MYOF: variants seen among roughly 807,000 people sequenced by gnomAD.
MYOF encodes fer-1-like 3, myoferlin.
A neutral mutation model predicts 284.2 loss-of-function variants in MYOF; 244 were observed. The observed-to-expected ratio is 0.86, with a 90% CI of 0.77 to 0.95. The LOEUF is 0.95. Ranked by LOEUF, MYOF falls within the 40% of genes least tolerant of loss-of-function variation. The pLI is 0.00. For synonymous variants in MYOF, 904 were observed against 919.7 expected (o/e 0.98, Z 0.31); for missense variants, 2,496 against 2,560.6 (o/e 0.97, Z 0.54).
At chr10:93,333,977 AG>A (rs773577517) in intron 41 of MYOF, 64 bp from the exon 42 acceptor site, 15 of 1,528,876 alleles carry the variant, frequency 9.8e-6, no homozygotes, top group African/African-American at 1.4e-5. Flanking sequence ...GCTCCTGGGA[AG>A]TCCCCTCCTC....
Position 93,325,885 on chromosome 10 carries a change from C to G in MYOF, c.5212G>C (p.Val1738Leu). 6.2e-7 allele frequency: 1 copy of G among 1,614,088 alleles called. No homozygotes were observed. Among genetic ancestry groups the G allele is most frequent in the South Asian group, 1.1e-5 (1 of 91,066 alleles). Residue 1738 changes from valine (V) to leucine (L), a missense_variant, in exon 46 of 54, where the codon GTC (valine) becomes CTC (leucine). Around this residue, in one of 3 missense-constraint regions of MYOF, gnomAD observed 2,436 missense variants for 2,480.7 expected, o/e 0.98. Coordinates refer to ENST00000359263, the MANE Select transcript of MYOF (RefSeq NM_013451.4). ...GTCCTTGTTTCCACGTGCTCAGGGA[C>G]CAGCCCCTGAGTCCTGAGGATGTGA... is the stretch of plus-strand genomic sequence containing the variant. The part of the protein sequence containing the change: ...ALHILRTQGL[V>L]PEHVETRTLH...
chr10:93,448,501 T>C (rs886160572), intron 3 of MYOF, among the ~76,000 whole-genome samples: 5 of 152,232 alleles, frequency 3.3e-5, no homozygotes, highest in Non-Finnish European at 7.3e-5. Flanking sequence ...TCCTTAAGTA[T>C]CGTAACCTTC....
intron 48 of MYOF, among the ~76,000 whole-genome samples, chr10:93,320,499 T>C (rs1438737110): frequency 6.6e-6 from 1 of 152,218 alleles, no homozygotes; most frequent in Non-Finnish European, 1.5e-5. Flanking sequence ...TTCCTTTTTA[T>C]AAATTATTCT....
chr10:93,408,222 A>AGC (rs1847710304), intron 7 of MYOF, among the ~76,000 whole-genome samples: 2 of 152,112 alleles, frequency 1.3e-5, no homozygotes, highest in African/African-American at 4.8e-5. Context: ...AAAGCTAGAT[A>AGC]TCTTTTAGAT....
At chr10:93,338,271 A>G (rs1015372772) in intron 39 of MYOF, 2 of 456,084 alleles carry the variant, frequency 4.4e-6, no homozygotes, top group African/African-American at 4.0e-5. Context: ...AAAACCTCCA[A>G]TATGTGTTTT....
intron 48 of MYOF, among the ~76,000 whole-genome samples, chr10:93,321,505 C>A (rs73315549): frequency 0.045 from 6,772 of 151,098 alleles, 525 homozygotes; most frequent in African/African-American, 0.16. Context: ...GATCCTCCTG[C>A]CTCAGACTTC....
chr10:93,384,212 C>T (rs1305755270), intron 19 of MYOF, among the ~76,000 whole-genome samples: 1 of 152,142 alleles, frequency 6.6e-6, no homozygotes, highest in African/African-American at 2.4e-5. Flanking sequence ...AGAATTCTGC[C>T]GCTCCCTCAG....
chr10:93,433,772 T>C (rs1433029363), intron 3 of MYOF, among the ~76,000 whole-genome samples: 3 of 152,238 alleles, frequency 2.0e-5, no homozygotes, highest in African/African-American at 7.2e-5. Flanking sequence ...TCAGAGGTGC[T>C]CCGGGTACGC....
chr10:93,387,884 G>A lies in MYOF; in HGVS notation c.1611C>T (p.Ile537=). ...CAAGAAAAGTGGCTAATTCAACCAA[G>A]ATCCTGCCTCTGTAGGCAACTCCTT... ...KGEGVAYRGR[I]LVELATFLEK... Residue 537 remains isoleucine (I), a synonymous_variant, in exon 19 of 54, where the codon ATC becomes ATT. Transcript: ENST00000359263. The A allele has an allele frequency of 6.2e-7, 1 of 1,614,044 alleles. No individual in the cohort carries two copies. The highest frequency in any genetic ancestry group is 8.5e-7 in the Non-Finnish European group (1 of 1,179,984).
Position 93,310,146 on chromosome 10 carries a change from G to C in MYOF, c.6021C>G (p.Leu2007=), listed in dbSNP as rs1467519027. Residue 2007 remains leucine (L), a synonymous_variant, in exon 53 of 54, where the codon CTC becomes CTG. Coordinates refer to ENST00000359263, the MANE Select transcript of MYOF (RefSeq NM_013451.4). ...TGGTCTTGCATGGGTTGGTGAACCA[G>C]AGGAAGGAGGTTTCTGGTCGACTGC... ...DLPNRPETSF[L]WFTNPCKTMK... is the part of the protein sequence containing the mutation. 1 of 1,614,080 alleles carries C rather than the reference G, an allele frequency of 6.2e-7. No individual in the cohort carries two copies. Among genetic ancestry groups the C allele is most frequent in the African/African-American group, 1.3e-5 (1 of 74,932 alleles).
intron 4 of MYOF, among the ~76,000 whole-genome samples, chr10:93,427,668 C>G (rs1848657773): frequency 6.6e-6 from 1 of 151,742 alleles, no homozygotes; most frequent in African/African-American, 2.4e-5. Context: ...AATATAATTG[C>G]CATTTCTGTT....
intron 51 of MYOF, 30 bp from the exon 52 acceptor site, chr10:93,310,673 T>G: frequency 6.3e-7 from 1 of 1,582,888 alleles, no homozygotes; most frequent in Non-Finnish European, 8.7e-7. Flanking sequence ...GTTAAACATA[T>G]GACATCATGT....
At chr10:93,372,812 G>C in intron 24 of MYOF, 118 bp downstream of exon 24, 1 of 1,258,624 alleles carries the variant, frequency 7.9e-7, no homozygotes, top group Non-Finnish European at 1.1e-6. Context: ...GGATGGGCTA[G>C]AATTGATCCC....
At chr10:93,388,611 T>C (rs1309929673) in intron 18 of MYOF, among the ~76,000 whole-genome samples, 1 of 152,226 alleles carries the variant, frequency 6.6e-6, no homozygotes, top group East Asian at 1.9e-4. Context: ...GACATTTGGC[T>C]TCTGTTGTGG....
Position 93,329,803 on chromosome 10 carries a change from C to A in MYOF, c.4843G>T (p.Glu1615Ter), listed in dbSNP as rs1384983226. The A allele has an allele frequency of 6.2e-7, 1 of 1,614,176 alleles. No homozygotes were observed. The highest frequency in any genetic ancestry group is 8.5e-7 in the Non-Finnish European group (1 of 1,180,030). Residue 1615 changes from glutamate to a stop codon, truncating the protein, a stop_gained, in exon 44 of 54, where the codon GAA (glutamate) becomes TAA (stop). Coordinates refer to ENST00000359263, the MANE Select transcript of MYOF (RefSeq NM_013451.4). LOFTEE classifies it high-confidence loss of function. ...MYELSCYLPQEKDLKISVYDY... is the reference protein window; with the variant it reads ...MYELSCYLPQ ...TAGACAGAAATTTTCAGGTCTTTTT[C>A]TTGAGGTAAGTAGCAGCTCAGTTCG...
intron 1 of MYOF, among the ~76,000 whole-genome samples, chr10:93,461,220 C>T (rs572261963): frequency 4.7e-4 from 72 of 152,314 alleles, no homozygotes; most frequent in African/African-American, 1.6e-3. Context: ...TCAGCTCAGG[C>T]CAAGAGACCT....
intron 18 of MYOF, 151 bp from the exon 19 acceptor site, chr10:93,388,064 T>C: frequency 1.5e-6 from 1 of 648,534 alleles, no homozygotes; most frequent in Non-Finnish European, 2.8e-6. Context: ...CCCAGCTGGA[T>C]TCAGGTCTCT....
At chr10:93,460,145 C>T (rs1471408862) in intron 1 of MYOF, among the ~76,000 whole-genome samples, 2 of 152,154 alleles carry the variant, frequency 1.3e-5, no homozygotes, top group Non-Finnish European at 2.9e-5. Context: ...CCCAAGACTC[C>T]AACCAGGGAG....
chr10:93,440,538 C>T (rs1036293768), intron 3 of MYOF, among the ~76,000 whole-genome samples: 6 of 152,202 alleles, frequency 3.9e-5, no homozygotes, highest in African/African-American at 1.4e-4. Context: ...TTATCACCAT[C>T]TGTTATGTCA....
Sources: allele counts gnomAD v4.1 joint callset (sites outside exome capture counted in the v4.1 genomes callset), GRCh38; gene constraint gnomAD v4.1.1; regional missense constraint gnomAD v4.1.1; transcripts MANE v1.5; gene names NCBI Gene and HGNC (gene_info 2026-07-23, HGNC 2026-07-21).